The following TRRAP variants were observed in gnomAD, a reference collection of about 807,000 sequenced individuals.
TRRAP encodes transformation/transcription domain associated protein, also known as transformation/transcription domain-associated protein.
Under a neutral mutation model 438.8 loss-of-function variants are expected in TRRAP, and 41 were observed. That is an observed-to-expected ratio of 0.09 (90% confidence interval 0.07 to 0.12). The LOEUF (loss-of-function observed/expected upper bound fraction) is 0.12. Among genes scored for constraint, TRRAP ranks in the 10% least tolerant of loss-of-function variants. The pLI is 1.00. For synonymous variants in TRRAP, 1,994 were observed against 1,962.9 expected (o/e 1.02, Z -0.42); for missense variants, 3,122 against 5,055.1 (o/e 0.62, Z 11.60).
chr7:98,970,742 G>A (rs1239146896), intron 52 of TRRAP, among the ~76,000 whole-genome samples: 1 of 152,170 alleles, frequency 6.6e-6, no homozygotes, highest in Non-Finnish European at 1.5e-5. Flanking sequence ...AAAAGCCCGT[G>A]TTCATTACAG....
intron 12 of TRRAP, among the ~76,000 whole-genome samples, chr7:98,904,344 G>A (rs1326411469): frequency 1.3e-5 from 2 of 151,844 alleles, no homozygotes; most frequent in Non-Finnish European, 2.9e-5. Context: ...TTAGCCAGGC[G>A]TGGTGGCGGG....
chr7:98,937,086 T>C, intron 28 of TRRAP, 70 bp from the exon 29 acceptor site: 1 of 1,507,738 alleles, frequency 6.6e-7, no homozygotes, highest in Non-Finnish European at 8.9e-7. Flanking sequence ...AATAAATAAA[T>C]ACAGAGAAGA....
In TRRAP at chr7:98,884,243, GT is replaced by G. The variant is rs536575328; in HGVS notation, c.150+2227del. ...TCTTCATTCATCTTGCAATCTTTTT[GT>G]TTTTTTTGTTTGTTTGTTTTTAAGA... On this transcript the variant is annotated intron_variant, in intron 3 of 72. Transcript: ENST00000456197. Among the ~76,000 whole-genome samples, 316 of 151,682 alleles carry G rather than the reference GT, an allele frequency of 2.1e-3. 1 individual carries two copies. The highest frequency in any genetic ancestry group is 7.3e-3 in the African/African-American group (301 of 41,358).
At position 98,883,268 on chromosome 7, in the gene TRRAP, AT is replaced by A. The variant is rs538716452; in HGVS notation, c.150+1250del. Reference sequence around the variant, plus strand: ...TGGGTTTTTCTTAGAATTTCAGTTTATTTTTTGTATTTTTTTAAATTTTAGT... The same window carrying A: ...TGGGTTTTTCTTAGAATTTCAGTTTATTTTTGTATTTTTTTAAATTTTAGT... On this transcript the variant is annotated intron_variant, in intron 3 of 72. Coordinates refer to ENST00000456197, the MANE Select transcript of TRRAP (RefSeq NM_001375524.1). Among the ~76,000 whole-genome samples, 913 of 151,806 alleles carry A rather than the reference AT, an allele frequency of 6.0e-3. 8 individuals carry two copies. The highest frequency in any genetic ancestry group is 0.021 in the African/African-American group (874 of 41,400).
At position 98,988,752 on chromosome 7, in the gene TRRAP, T is replaced by C. The variant is rs1793261045; in HGVS notation, c.9390-13T>C. ...GAAAACCATACACGTTTTGGTTTTC[T>C]GTCTCCTCACAGGTCCGAGGAGGCA... On this transcript the variant is annotated splice_polypyrimidine_tract_variant and intron_variant, in intron 62 of 72. Coordinates refer to ENST00000456197, the MANE Select transcript of TRRAP (RefSeq NM_001375524.1). 1.9e-6 allele frequency: 3 copies of C among 1,613,200 alleles called. No homozygotes were observed. Among genetic ancestry groups the C allele is most frequent in the Non-Finnish European group, 2.5e-6 (3 of 1,179,642 alleles).
At chr7:98,957,863 C>T in intron 43 of TRRAP, 118 bp from the exon 44 acceptor site, 2 of 839,272 alleles carry the variant, frequency 2.4e-6, no homozygotes, top group South Asian at 1.5e-5. Flanking sequence ...CCCCAGCGCC[C>T]AGAGCTGCCT....
chr7:98,964,835 G>C (rs1163886211), intron 48 of TRRAP, 60 bp downstream of exon 48: 2 of 1,545,356 alleles, frequency 1.3e-6, no homozygotes. Context: ...AACAGACTCT[G>C]TTGTGCAGGC....
chr7:98,967,460 G>T (rs916846083), intron 50 of TRRAP, 25 bp from the exon 51 acceptor site: 8 of 1,611,804 alleles, frequency 5.0e-6, no homozygotes, highest in Non-Finnish European at 5.9e-6. Context: ...CCATCGTCTT[G>T]CCTGTCTCTG....
In TRRAP at chr7:98,981,673, C is replaced by A. The variant is rs1221865742; in HGVS notation, c.8635-96C>A. 4.5e-6 allele frequency: 6 copies of A among 1,334,552 alleles called. No homozygotes were observed. The African/African-American group carries it at 7.6e-5, about 17-fold the overall frequency. The allele number at this position is 1,334,552 out of a possible 1,614,324, so 82.7% of individuals were successfully genotyped here. A position where few individuals can be genotyped will look rare whatever the true frequency, so the allele number is the denominator to read the frequency against. On this transcript the variant is annotated intron_variant, in intron 58 of 72. Coordinates refer to ENST00000456197, the MANE Select transcript of TRRAP (RefSeq NM_001375524.1). ...AATTTCTGTGTATTGCCTTGCATACCTAGTGACCAAAAAAAGTGATCTTTT... is the reference window on the plus strand; with the variant it reads ...AATTTCTGTGTATTGCCTTGCATACATAGTGACCAAAAAAAGTGATCTTTT...
At chr7:98,970,082 G>C in intron 51 of TRRAP, 30 bp from the exon 52 acceptor site, 1 of 1,610,368 alleles carries the variant, frequency 6.2e-7, no homozygotes, top group Non-Finnish European at 8.5e-7. Flanking sequence ...CGCATGCCTT[G>C]GGTCTGTCTC....
chr7:98,905,271 G>C (rs1190994631), intron 12 of TRRAP, among the ~76,000 whole-genome samples: 2 of 152,182 alleles, frequency 1.3e-5, no homozygotes, highest in Non-Finnish European at 2.9e-5. Context: ...TCCTCCGTGT[G>C]CTGCCTGGCT....
At chr7:98,996,336 T>C (rs1793661675) in intron 67 of TRRAP, among the ~76,000 whole-genome samples, 1 of 152,238 alleles carries the variant, frequency 6.6e-6, no homozygotes, top group Admixed American at 6.5e-5. Context: ...CCCACTTACC[T>C]GCGGGCTCCC....
At chr7:98,979,365 T>C (rs1317782732) in intron 58 of TRRAP, among the ~76,000 whole-genome samples, 1 of 152,228 alleles carries the variant, frequency 6.6e-6, no homozygotes, top group Non-Finnish European at 1.5e-5. Flanking sequence ...CTGGGTTCTT[T>C]AAATCCTGTC....
intron 45 of TRRAP, among the ~76,000 whole-genome samples, chr7:98,960,745 C>T (rs1001123742): frequency 6.8e-6 from 1 of 147,066 alleles, no homozygotes; most frequent in African/African-American, 2.5e-5. Context: ...GCGTATGCCA[C>T]CATGCCTGGC....
chr7:98,983,566 C>T, intron 60 of TRRAP, 107 bp downstream of exon 60: 1 of 1,319,154 alleles, frequency 7.6e-7, no homozygotes, highest in Non-Finnish European at 1.0e-6. Flanking sequence ...TTTTTTTTTC[C>T]CCCAGGTTTT....
intron 58 of TRRAP, among the ~76,000 whole-genome samples, chr7:98,981,426 G>T (rs1792909952): frequency 6.6e-6 from 1 of 152,104 alleles, no homozygotes; most frequent in Non-Finnish European, 1.5e-5. Flanking sequence ...AATAATGCCG[G>T]CTGACTTGTT....
At chr7:98,893,699 AGTTG>A in intron 5 of TRRAP, 95 bp from the exon 6 acceptor site, 1 of 1,043,070 alleles carries the variant, frequency 9.6e-7, no homozygotes, top group Non-Finnish European at 1.4e-6. Flanking sequence ...CAAATCCAAT[AGTTG>A]GTTGATGGAA....
chr7:98,891,578 C>T (rs1554404901), intron 4 of TRRAP, among the ~76,000 whole-genome samples: 2 of 147,816 alleles, frequency 1.4e-5, no homozygotes, highest in African/African-American at 5.0e-5. Flanking sequence ...CTCTGTTTCC[C>T]AGGCTGAAGT....
intron 19 of TRRAP, among the ~76,000 whole-genome samples, chr7:98,916,763 G>A (rs1284355054): frequency 6.6e-6 from 1 of 152,140 alleles, no homozygotes; most frequent in Non-Finnish European, 1.5e-5. Flanking sequence ...ACCCTGTGCT[G>A]GGAACTCAGC....
Sources: gnomAD v4.1 joint callset for allele counts (sites outside exome capture counted in the v4.1 genomes callset) on GRCh38, gnomAD v4.1.1 for gene constraint, MANE v1.5 for transcripts, NCBI Gene and HGNC (gene_info 2026-07-23, HGNC 2026-07-21) for gene names.